Variants in MLXIP observed in about 807,000 individuals in gnomAD.
The protein encoded by MLXIP is MLX-interacting protein.
In MLXIP, 30 loss-of-function variants were observed where a neutral mutation model predicts 87.2. The ratio of observed to expected loss-of-function variants is 0.34; its 90% CI spans 0.26 to 0.47. The LOEUF is 0.47. MLXIP is among the 20% of genes least tolerant of loss of function. The pLI is 1.00. For synonymous variants in MLXIP, 530 were observed against 514.0 expected, an observed-to-expected ratio of 1.03 and a Z score of -0.42; for missense variants, 1,002 against 1,240.1, an observed-to-expected ratio of 0.81 and a Z score of 2.88.
At chr12:122,093,159 GGTATGTAGT>G (rs1952274623) in intron 1 of MLXIP, among the ~76,000 whole-genome samples, 3 of 148,610 alleles carry the variant, frequency 2.0e-5, no homozygotes, top group African/African-American at 5.0e-5. Context: ...TGGCGTGTAG[GGTATGTAGT>G]GTGTGTAGTG....
rs756626262 is a variant in MLXIP at position 122,135,355 on chromosome 12, G to A, written c.1854+10G>A. 6.2e-7 allele frequency: 1 copy of A among 1,610,582 alleles called. No individual in the cohort carries two copies. Among genetic ancestry groups the A allele is most frequent in the Non-Finnish European group, 8.5e-7 (1 of 1,178,106 alleles). ...TGCTGCCATCGCCAGGGTGAGGAGG[G>A]CCCTAGGCAGACCTGCAGTGTCCTT... On this transcript the variant is annotated intron_variant, in intron 10 of 16. Transcript: ENST00000319080. The surrounding 1 kb of genome is among the most constrained non-coding windows in gnomAD (Gnocchi z 5.3).
chr12:122,115,981 G>A (rs1952684113), intron 1 of MLXIP, among the ~76,000 whole-genome samples: 1 of 152,034 alleles, frequency 6.6e-6, no homozygotes, highest in African/African-American at 2.4e-5. Context: ...AACCCGGGAG[G>A]TGGAGGTTGC....
chr12:122,132,651 CTAAT>C (rs1953001525), intron 8 of MLXIP: 1 of 420,816 alleles, frequency 2.4e-6, no homozygotes, highest in East Asian at 3.9e-5. Flanking sequence ...TCTGCTCCGA[CTAAT>C]TAACACAGAA....
Position 122,093,759 on chromosome 12 carries a change from AGT to A in MLXIP, c.413+14503_413+14504del, listed in dbSNP as rs1403064928. The stretch of plus-strand genomic sequence containing the variant: ...TGTGTGGTGTGTGTGGTGTGGGTGT[AGT>A]GTGTGTGTGGTGTGTGTATTTGCAG... On this transcript the variant is annotated intron_variant, in intron 1 of 16. Transcript: ENST00000319080. 8.5e-5 allele frequency among the ~76,000 whole-genome samples: 5 copies of A among 58,728 alleles called. 1 individual carries two copies. Among genetic ancestry groups the A allele is most frequent in the East Asian group, 5.1e-4 (1 of 1,942 alleles). 38.5% of individuals were successfully genotyped at this position (58,728 alleles called of 152,430 possible). A position where few individuals can be genotyped will look rare whatever the true frequency, so the allele number is the denominator to read the frequency against.
chr12:122,093,432 T>G (rs1458170241), intron 1 of MLXIP, among the ~76,000 whole-genome samples: 8 of 132,272 alleles, frequency 6.0e-5, no homozygotes, highest in African/African-American at 1.7e-4. Context: ...ATATGTGGGG[T>G]GTGTGTGTTG....
At chr12:122,097,144 C>CGAAGG (rs1565961999) in intron 1 of MLXIP, among the ~76,000 whole-genome samples, 1 of 152,080 alleles carries the variant, frequency 6.6e-6, no homozygotes, top group Non-Finnish European at 1.5e-5. Flanking sequence ...AGCTTTTGGC[C>CGAAGG]GAAGGCATGA....
chr12:122,138,694 C>T (rs968606640), intron 14 of MLXIP, 121 bp from the exon 15 acceptor site: 43 of 1,499,696 alleles, frequency 2.9e-5, no homozygotes, highest in Non-Finnish European at 3.7e-5. Context: ...CCTCCTTCCA[C>T]AGACCTCTCT....
rs893451531 is a variant in MLXIP, at chr12:122,078,803, C to G, written c.-51C>G. On this transcript the variant is annotated 5_prime_UTR_variant, in exon 1 of 17. Transcript: ENST00000319080. ...GGCCGGCGCCCCTCTGCCTCGCGCG[C>G]TTGTCGCGTTGCCCCGGGCTCCGGG... is the stretch of plus-strand genomic sequence containing the variant. 6.4e-5 allele frequency: 66 copies of G among 1,032,770 alleles called. No individual in the cohort carries two copies. Among genetic ancestry groups the G allele is most frequent in the Admixed American group, 2.3e-4 (4 of 17,316 alleles). 64.0% of individuals were successfully genotyped at this position (1,032,770 alleles called of 1,614,324 possible).
rs569427670 is a variant in MLXIP at position 122,140,779 on chromosome 12, G to A, written c.2509-175G>A. The A allele has an allele frequency of 1.1e-4, 102 of 967,044 alleles. 1 individual carries two copies. The South Asian group carries it at 1.3e-3, about 13-fold the overall frequency. 59.9% of individuals were successfully genotyped at this position (967,044 alleles called of 1,614,324 possible). On this transcript the variant is annotated intron_variant, in intron 15 of 16. Coordinates refer to ENST00000319080, the MANE Select transcript of MLXIP (RefSeq NM_014938.6). Reference sequence around the variant, plus strand: ...TACAGTTAGAGCAGAGTGTTTTCATGAAGTGGAAGACACACCTTGCCTAGA... The same window carrying A: ...TACAGTTAGAGCAGAGTGTTTTCATAAAGTGGAAGACACACCTTGCCTAGA...
chr12:122,125,223 T>C (rs1323069339), intron 1 of MLXIP, among the ~76,000 whole-genome samples: 1 of 150,918 alleles, frequency 6.6e-6, no homozygotes, highest in East Asian at 1.9e-4. Flanking sequence ...TCCCAGCTAC[T>C]CGGTTGGCTG....
intron 1 of MLXIP, among the ~76,000 whole-genome samples, chr12:122,096,303 T>TTC (rs1391807340): frequency 1.3e-5 from 2 of 152,090 alleles, no homozygotes; most frequent in Admixed American, 6.6e-5. Flanking sequence ...ACTATTTATT[T>TTC]TCTCTCTCTC....
In MLXIP at chr12:122,137,472, G is replaced by C. The variant is rs772995790; in HGVS notation, c.2036G>C (p.Arg679Pro). The C allele has an allele frequency of 6.2e-7, 1 of 1,613,582 alleles. No individual in the cohort carries two copies. Among genetic ancestry groups the C allele is most frequent in the South Asian group, 1.1e-5 (1 of 91,042 alleles). ...CAGAGGAGTCTGTTCTTACCAGGTC[G>C]GGACTGCCCAAACTCAGGGCAGGCC... ...SPQVTVTGPS[R>P]DCPNSGQASP... Residue 679 changes from arginine (R) to proline (P), a missense_variant, in exon 12 of 17, where the codon CGG becomes CCG. Coordinates refer to ENST00000319080, the MANE Select transcript of MLXIP (RefSeq NM_014938.6). This position sits in a 1 kb window ranked among gnomAD's most constrained non-coding sequence, Gnocchi z 4.1.
Position 122,121,307 on chromosome 12 carries a change from CT to C in MLXIP, c.414-5928del, listed in dbSNP as rs35967072. The stretch of plus-strand genomic sequence containing the variant: ...CCAGGCGCGAGCCACTGTGCCCAGC[CT>C]TTTTTTTTTTTTTTTTTTTTAAATT... On this transcript the variant is annotated intron_variant, in intron 1 of 16. Transcript: ENST00000319080. Among the ~76,000 whole-genome samples the C allele has an allele frequency of 1.6e-3, 187 of 118,210 alleles. 3 individuals are homozygous for C. The highest frequency in any genetic ancestry group is 0.011 in the East Asian group (44 of 4,034). 77.6% of individuals were successfully genotyped at this position (118,210 alleles called of 152,430 possible).
intron 7 of MLXIP, among the ~76,000 whole-genome samples, chr12:122,131,231 AGATG>A (rs1952972163): frequency 6.6e-6 from 1 of 152,124 alleles, no homozygotes; most frequent in African/African-American, 2.4e-5. Flanking sequence ...CCCTGCAGTT[AGATG>A]GGTCCTTGAG....
intron 11 of MLXIP, chr12:122,136,514 A>C (rs958766366): frequency 4.0e-5 from 6 of 150,776 alleles, no homozygotes; most frequent in African/African-American, 1.2e-4. Flanking sequence ...CTGTAGTCCC[A>C]GCTACTCAGG....
chr12:122,134,203 TG>T, intron 9 of MLXIP: 2 of 603,740 alleles, frequency 3.3e-6, no homozygotes, highest in East Asian at 6.4e-5. Context: ...TTTTTTTGTT[TG>T]GTTTTTTTTT....
chr12:122,095,423 G>T (rs1439851071), intron 1 of MLXIP, among the ~76,000 whole-genome samples: 1 of 152,026 alleles, frequency 6.6e-6, no homozygotes, highest in African/African-American at 2.4e-5. Flanking sequence ...GTGTTGGCAA[G>T]TAGCTTTATG....
rs1374365326 is a variant in MLXIP at position 122,127,375 on chromosome 12, C to T, written c.520+13C>T. The T allele has an allele frequency of 3.2e-6, 5 of 1,585,376 alleles. No homozygotes were observed. Among genetic ancestry groups the T allele is most frequent in the Admixed American group, 1.8e-5 (1 of 56,582 alleles). On this transcript the variant is annotated intron_variant, in intron 2 of 16. Transcript: ENST00000319080. ...TGGTACATGCAGTGTAAGTGCCGCCCAGCCTGGGCGCCGGTGGTGGTCAGA... is the reference window on the plus strand; with the variant it reads ...TGGTACATGCAGTGTAAGTGCCGCCTAGCCTGGGCGCCGGTGGTGGTCAGA...
intron 1 of MLXIP, among the ~76,000 whole-genome samples, chr12:122,082,359 T>C (rs545707584): frequency 6.6e-6 from 1 of 152,332 alleles, no homozygotes; most frequent in Admixed American, 6.5e-5. Context: ...GTGTTAATGA[T>C]GGAAAAAATC....
Sources: allele counts gnomAD v4.1 joint callset (sites outside exome capture counted in the v4.1 genomes callset), GRCh38; gene constraint gnomAD v4.1.1; non-coding constraint Gnocchi (gnomAD v3.1); transcripts MANE v1.5; gene names NCBI Gene and HGNC (gene_info 2026-07-23, HGNC 2026-07-21).